MBLAC2: variants seen among roughly 807,000 people sequenced by gnomAD.
The protein encoded by MBLAC2 is acyl-coenzyme A thioesterase MBLAC2.
MBLAC2 carries 24 observed loss-of-function variants against 23.3 expected under a neutral mutation model. That is an observed-to-expected ratio of 1.03 (90% CI 0.75 to 1.45). MBLAC2 has a LOEUF of 1.45. Ranked by LOEUF, MBLAC2 falls within the 40% of genes most tolerant of loss-of-function variation. MBLAC2 has a pLI of 0.00. For missense variants in MBLAC2, 358 were observed against 370.0 expected (o/e 0.97, Z 0.27); for synonymous variants, 162 against 150.9 (o/e 1.07, Z -0.54).
In MBLAC2 at chr5:90,474,543, C is replaced by A; in HGVS notation, c.-251G>T. 3 of 518,172 alleles carry A rather than the reference C, an allele frequency of 5.8e-6. No homozygotes were observed. The highest frequency in any genetic ancestry group is 1.0e-5 in the Non-Finnish European group (3 of 292,576). 32.1% of individuals were successfully genotyped at this position (518,172 alleles called of 1,614,324 possible). ...GCAAGCAGAGGCTGCGCCACCAGCA[C>A]GGGGGCGCAGGAGCTACCGCAGCCT... On this transcript the variant is annotated 5_prime_UTR_variant, in exon 1 of 2. Coordinates refer to ENST00000316610, the MANE Select transcript of MBLAC2 (RefSeq NM_203406.2).
In MBLAC2 at chr5:90,460,677, A is replaced by G. The variant is rs1441948271; in HGVS notation, c.*490T>C. On this transcript the variant is annotated 3_prime_UTR_variant, in exon 2 of 2. Transcript: ENST00000316610. ...AAAAAATTCAGGACCATAACAATGGAATGTTTTAGTTGTCATTCTCAATGT... is the reference window on the plus strand; with the variant it reads ...AAAAAATTCAGGACCATAACAATGGGATGTTTTAGTTGTCATTCTCAATGT... 6.6e-6 allele frequency: 1 copy of G among 152,514 alleles called. No individual in the cohort carries two copies. Among genetic ancestry groups the G allele is most frequent in the Non-Finnish European group, 1.5e-5 (1 of 68,132 alleles). The allele number at this position is 152,514 out of a possible 1,614,324, so 9.4% of individuals were successfully genotyped here.
Position 90,459,797 on chromosome 5 carries a change from G to C in MBLAC2, c.*1370C>G, listed in dbSNP as rs1190854576. On this transcript the variant is annotated 3_prime_UTR_variant, in exon 2 of 2. Transcript: ENST00000316610. Reference sequence around the variant, plus strand: ...TGTTTGTGTATGTATATGTTTATGTGTGTGTGAGTTGAATGAATAAAAAAC... The same window carrying C: ...TGTTTGTGTATGTATATGTTTATGTCTGTGTGAGTTGAATGAATAAAAAAC... 1 of 152,492 alleles carries C rather than the reference G, an allele frequency of 6.6e-6. No homozygotes were observed. The highest frequency in any genetic ancestry group is 1.5e-5 in the Non-Finnish European group (1 of 67,980). 9.4% of individuals were successfully genotyped at this position (152,492 alleles called of 1,614,324 possible). A position where few individuals can be genotyped will look rare whatever the true frequency, so the allele number is the denominator to read the frequency against.
rs561834349 is a variant in MBLAC2 at position 90,459,285 on chromosome 5, G to T, written c.*1882C>A. On this transcript the variant is annotated 3_prime_UTR_variant, in exon 2 of 2. Transcript: ENST00000316610. ...TTGAACCAATCATACCCTCCTTTTT[G>T]ATTGAAGTAAAGGTTCATTTGGTGG... The T allele has an allele frequency of 1.3e-5, 2 of 152,434 alleles. No homozygotes were observed. Among genetic ancestry groups the T allele is most frequent in the African/African-American group, 4.8e-5 (2 of 41,516 alleles). The allele number at this position is 152,434 out of a possible 1,614,324, so 9.4% of individuals were successfully genotyped here.
In MBLAC2 at chr5:90,459,212, C is replaced by CT. The variant is rs1249353600; in HGVS notation, c.*1954dup. ...CACTCAGTTGAAAGAGACCTACTAC[C>CT]TTGAATGACCATCATAGAGAAATGC... is the stretch of plus-strand genomic sequence containing the variant. On this transcript the variant is annotated 3_prime_UTR_variant, in exon 2 of 2. Transcript: ENST00000316610. 1 of 152,488 alleles carries CT rather than the reference C, an allele frequency of 6.6e-6. No individual in the cohort carries two copies. Among genetic ancestry groups the CT allele is most frequent in the Non-Finnish European group, 1.5e-5 (1 of 67,962 alleles). The allele number at this position is 152,488 out of a possible 1,614,324, so 9.4% of individuals were successfully genotyped here. A position where few individuals can be genotyped will look rare whatever the true frequency, so the allele number is the denominator to read the frequency against.
In MBLAC2 at chr5:90,461,238, CTT is replaced by C; in HGVS notation, c.767_768del (p.Lys256SerfsTer20). 2 of 1,613,998 alleles carry C rather than the reference CTT, an allele frequency of 1.2e-6. No individual in the cohort carries two copies. Among genetic ancestry groups the C allele is most frequent in the Non-Finnish European group, 1.7e-6 (2 of 1,179,950 alleles). ...AGAGATCGCATGGCAAAAGTAGAAA[CTT>C]TGTGACATATCCCAGCTTTTGAAAT... is the stretch of plus-strand genomic sequence containing the variant. ...NYISKAGICH[K>X]VSTFAMRSLA... On this transcript the variant is annotated frameshift_variant, in exon 2 of 2. Coordinates refer to ENST00000316610, the MANE Select transcript of MBLAC2 (RefSeq NM_203406.2). LOFTEE classifies it high-confidence loss of function.
At chr5:90,470,494 G>T (rs1388989508) in intron 1 of MBLAC2, among the ~76,000 whole-genome samples, 1 of 152,000 alleles carries the variant, frequency 6.6e-6, no homozygotes, top group African/African-American at 2.4e-5. Flanking sequence ...AAAAAAGAAG[G>T]GGGGACAAGA....
In MBLAC2 at chr5:90,474,541, C is replaced by G; in HGVS notation, c.-249G>C. ...CAGCAAGCAGAGGCTGCGCCACCAGCACGGGGGCGCAGGAGCTACCGCAGC... is the reference window on the plus strand; with the variant it reads ...CAGCAAGCAGAGGCTGCGCCACCAGGACGGGGGCGCAGGAGCTACCGCAGC... On this transcript the variant is annotated 5_prime_UTR_variant, in exon 1 of 2. Transcript: ENST00000316610. The G allele has an allele frequency of 1.9e-6, 1 of 521,386 alleles. No individual in the cohort carries two copies. The highest frequency in any genetic ancestry group is 3.6e-5 in the Admixed American group (1 of 27,432). 32.3% of individuals were successfully genotyped at this position (521,386 alleles called of 1,614,324 possible).
chr5:90,473,960 C>T lies in MBLAC2; in HGVS notation c.333G>A (p.Gly111=), dbSNP rs767902861. 41 of 1,600,654 alleles carry T rather than the reference C, an allele frequency of 2.6e-5. No individual in the cohort carries two copies. Among genetic ancestry groups the T allele is most frequent in the Non-Finnish European group, 3.2e-5 (38 of 1,174,654 alleles). Residue 111 remains glycine, a synonymous_variant, in exon 1 of 2, where the codon GGG becomes GGA. Coordinates refer to ENST00000316610, the MANE Select transcript of MBLAC2 (RefSeq NM_203406.2). The part of the protein sequence containing the change: ...HHAEAEALAR[G]DNFETVTWLS... ...GCCAGGTCACGGTCTCAAAGTTGTC[C>T]CCGCGAGCCAGCGCCTCGGCCTCGG...
intron 1 of MBLAC2, among the ~76,000 whole-genome samples, chr5:90,467,695 CA>C (rs1750471682): frequency 2.1e-5 from 3 of 146,226 alleles, no homozygotes; most frequent in Non-Finnish European, 4.4e-5. Flanking sequence ...TGAGATGCGA[CA>C]TACTATTCTA....
rs149369017 is a variant in MBLAC2, at chr5:90,470,826, A to T, written c.454+3013T>A. Among the ~76,000 whole-genome samples, 34 of 151,694 alleles carry T rather than the reference A, an allele frequency of 2.2e-4. No individual in the cohort carries two copies. The East Asian group carries it at 6.2e-3, about 28-fold the overall frequency. On this transcript the variant is annotated intron_variant, in intron 1 of 1. Transcript: ENST00000316610. Reference sequence around the variant, plus strand: ...TTTTCCATACTGAGCCCTTAAGCTCAACAGTAATTTGGCATCCTTCAATCA... The same window carrying T: ...TTTTCCATACTGAGCCCTTAAGCTCTACAGTAATTTGGCATCCTTCAATCA...
chr5:90,473,514 A>T (rs1750607111), intron 1 of MBLAC2: 1 of 586,708 alleles, frequency 1.7e-6, no homozygotes. Context: ...AAAGAATGAG[A>T]AATCCCTAGT....
Position 90,460,307 on chromosome 5 carries a change from A to G in MBLAC2, c.*860T>C, listed in dbSNP as rs1750345876. 1 of 152,614 alleles carries G rather than the reference A, an allele frequency of 6.6e-6. No homozygotes were observed. Among genetic ancestry groups the G allele is most frequent in the African/African-American group, 2.4e-5 (1 of 41,474 alleles). 9.5% of individuals were successfully genotyped at this position (152,614 alleles called of 1,614,324 possible). On this transcript the variant is annotated 3_prime_UTR_variant, in exon 2 of 2. Transcript: ENST00000316610. ...AACATAACACAATACTGAAGTCGCTATTTAACAGGAAAAATTTTGTTCATA... is the reference window on the plus strand; with the variant it reads ...AACATAACACAATACTGAAGTCGCTGTTTAACAGGAAAAATTTTGTTCATA...
rs772433297 is a variant in MBLAC2 at position 90,460,528 on chromosome 5, A to C, written c.*639T>G. ...AACAATATATAGTAGCTTTTTACTG[A>C]AGCACTCTGAAATTTATATTTAAAG... is the stretch of plus-strand genomic sequence containing the variant. On this transcript the variant is annotated 3_prime_UTR_variant, in exon 2 of 2. Transcript: ENST00000316610. The C allele has an allele frequency of 2.0e-5, 3 of 152,552 alleles. No homozygotes were observed. Among genetic ancestry groups the C allele is most frequent in the Non-Finnish European group, 4.4e-5 (3 of 67,964 alleles). 9.4% of individuals were successfully genotyped at this position (152,552 alleles called of 1,614,324 possible).
chr5:90,461,271 T>C lies in MBLAC2; in HGVS notation c.736A>G (p.Asn246Asp), dbSNP rs1396095256. 1 of 1,614,154 alleles carries C rather than the reference T, an allele frequency of 6.2e-7. No homozygotes were observed. Among genetic ancestry groups the C allele is most frequent in the Non-Finnish European group, 8.5e-7 (1 of 1,179,998 alleles). The change falls in exon 2 of 2, where the codon AAC becomes GAC. Residue 246 changes from asparagine to aspartate, a missense_variant. Coordinates refer to ENST00000316610, the MANE Select transcript of MBLAC2 (RefSeq NM_203406.2). ...GAERLFRLAS[N>D]YISKAGICHK... ...CATATCCCAGCTTTTGAAATATAGT[T>C]AGAAGCCAATCGAAAAAGCCTTTCA...
intron 1 of MBLAC2, among the ~76,000 whole-genome samples, chr5:90,470,943 G>C (rs376964656): frequency 6.6e-6 from 1 of 152,112 alleles, no homozygotes; most frequent in African/African-American, 2.4e-5. Flanking sequence ...CTTCTTAAAA[G>C]GTTTTCAAGA....
At chr5:90,473,609 A>G in intron 1 of MBLAC2, 2 of 673,350 alleles carry the variant, frequency 3.0e-6, no homozygotes, top group Non-Finnish European at 5.3e-6. Context: ...TCAAAGGAGT[A>G]CTCAGAATCT....
At chr5:90,462,803 A>G (rs771927687) in intron 1 of MBLAC2, among the ~76,000 whole-genome samples, 1 of 152,178 alleles carries the variant, frequency 6.6e-6, no homozygotes, top group Non-Finnish European at 1.5e-5. Flanking sequence ...TCTCTGTGTA[A>G]TTCATAAAAT....
At chr5:90,470,754 G>GCACACACACACACACA (rs112575403) in intron 1 of MBLAC2, among the ~76,000 whole-genome samples, 2 of 112,528 alleles carry the variant, frequency 1.8e-5, no homozygotes, top group East Asian at 3.4e-4. Context: ...ACTAGCGCGC[G>GCACACACACACACACA]CGCACACACA....
chr5:90,467,797 G>C (rs1750475115), intron 1 of MBLAC2, among the ~76,000 whole-genome samples: 3 of 151,954 alleles, frequency 2.0e-5, no homozygotes, highest in Admixed American at 6.6e-5. Context: ...ATGTTATATA[G>C]GTACTGTGAG....
Sources: allele counts gnomAD v4.1 joint callset (sites outside exome capture counted in the v4.1 genomes callset), GRCh38; gene constraint gnomAD v4.1.1; transcripts MANE v1.5; gene names NCBI Gene and HGNC (gene_info 2026-07-23, HGNC 2026-07-21).